ZDHHC14: variants seen among roughly 807,000 people sequenced by gnomAD.
ZDHHC14 encodes the protein palmitoyltransferase ZDHHC14.
A neutral mutation model predicts 47.7 loss-of-function variants in ZDHHC14; 16 were observed. That is an observed-to-expected ratio of 0.34 (90% CI 0.23 to 0.51). The LOEUF (loss-of-function observed/expected upper bound fraction) is 0.51, where lower values mean the gene tolerates loss of function less well. Ranked by LOEUF, ZDHHC14 falls within the 20% of genes least tolerant of loss-of-function variation. The probability of loss-of-function intolerance (pLI) is 0.97; values close to 1 mark genes in which losing one functional copy is unlikely to be tolerated. For synonymous variants in ZDHHC14, 293 were observed against 278.9 expected (o/e 1.05, Z -0.50); for missense variants, 515 against 662.5 (o/e 0.78, Z 2.44).
chr6:157,381,537 C>T lies in ZDHHC14; in HGVS notation c.-485C>T, dbSNP rs1777209113. The T allele has an allele frequency of 2.5e-6, 1 of 406,352 alleles. No individual in the cohort carries two copies. The highest frequency in any genetic ancestry group is 4.9e-6 in the Non-Finnish European group (1 of 203,870). 25.2% of individuals were successfully genotyped at this position (406,352 alleles called of 1,614,324 possible). A position where few individuals can be genotyped will look rare whatever the true frequency, so the allele number is the denominator to read the frequency against. ...TCCGCTGCCGGAGGAAGGAGTGGAC[C>T]CAACCTGGCCGCGCCGCAGAAGTGG... On this transcript the variant is annotated 5_prime_UTR_variant, in exon 1 of 9. Transcript: ENST00000359775.
intron 1 of ZDHHC14, among the ~76,000 whole-genome samples, chr6:157,443,476 G>T (rs1486289244): frequency 1.3e-5 from 2 of 152,110 alleles, no homozygotes; most frequent in Non-Finnish European, 2.9e-5. Flanking sequence ...CTCAACCTCA[G>T]CATTCTTTTA....
intron 1 of ZDHHC14, among the ~76,000 whole-genome samples, chr6:157,412,842 C>A (rs993806758): frequency 6.6e-6 from 1 of 152,112 alleles, no homozygotes; most frequent in Non-Finnish European, 1.5e-5. Context: ...CATGAGAGCA[C>A]CAGTGAGGAT....
At chr6:157,515,441 C>CTTTCTT (rs1554262640) in intron 1 of ZDHHC14, among the ~76,000 whole-genome samples, 8 of 148,056 alleles carry the variant, frequency 5.4e-5, no homozygotes, top group East Asian at 2.0e-4. Flanking sequence ...CTTCATTTCT[C>CTTTCTT]TTTCTTTTTC....
chr6:157,449,865 T>G (rs371412785), intron 1 of ZDHHC14, among the ~76,000 whole-genome samples: 4 of 152,310 alleles, frequency 2.6e-5, no homozygotes, highest in Admixed American at 6.5e-5. Flanking sequence ...GGGCTTGACG[T>G]CAGACAGATT....
intron 1 of ZDHHC14, among the ~76,000 whole-genome samples, chr6:157,521,622 A>G (rs111550221): frequency 0.016 from 2,431 of 152,300 alleles, 70 homozygotes; most frequent in African/African-American, 0.056. Flanking sequence ...AACCCCATTC[A>G]TGACATAATC....
chr6:157,536,720 G>C (rs1781554069), intron 1 of ZDHHC14, among the ~76,000 whole-genome samples: 1 of 151,800 alleles, frequency 6.6e-6, no homozygotes, highest in Admixed American at 6.6e-5. Context: ...ATTAATGACA[G>C]TATTGATTCT....
chr6:157,633,731 C>T (rs1217716483), intron 5 of ZDHHC14, among the ~76,000 whole-genome samples: 1 of 152,240 alleles, frequency 6.6e-6, no homozygotes, highest in African/African-American at 2.4e-5. Context: ...CCCACCCAGG[C>T]TGGAGTGCAG....
chr6:157,523,728 CAAAA>C (rs1246190746), intron 1 of ZDHHC14, among the ~76,000 whole-genome samples: 1 of 121,306 alleles, frequency 8.2e-6, no homozygotes, highest in Non-Finnish European at 1.8e-5. Flanking sequence ...CTCGCTTATA[CAAAA>C]AAAAAAAAAA....
Position 157,672,672 on chromosome 6 carries a change from C to T in ZDHHC14, c.1069-52C>T, listed in dbSNP as rs182739609. 1,616 of 1,572,036 alleles carry T rather than the reference C, an allele frequency of 1.0e-3. 24 individuals carry two copies. The South Asian group carries it at 0.014, about 14-fold the overall frequency. On this transcript the variant is annotated intron_variant, in intron 8 of 8. Transcript: ENST00000359775. ...CTGTCCCCATCCCTGTCCCTCCCCACCTCTGCCCCCTCCTCTCCACCTTCT... is the reference window on the plus strand; with the variant it reads ...CTGTCCCCATCCCTGTCCCTCCCCATCTCTGCCCCCTCCTCTCCACCTTCT...
chr6:157,528,058 A>G (rs1264244424), intron 1 of ZDHHC14, among the ~76,000 whole-genome samples: 1 of 152,224 alleles, frequency 6.6e-6, no homozygotes, highest in African/African-American at 2.4e-5. Context: ...CCAGCCAGGC[A>G]TGATTTCCTT....
intron 8 of ZDHHC14, among the ~76,000 whole-genome samples, chr6:157,672,095 T>C (rs1031499246): frequency 2.0e-5 from 3 of 152,188 alleles, no homozygotes; most frequent in African/African-American, 4.8e-5. Context: ...CACACAGTTA[T>C]TCGTCTTTTT....
In ZDHHC14 at chr6:157,393,250, T is replaced by G. The variant is rs1442231897; in HGVS notation, c.245+10984T>G. Among the ~76,000 whole-genome samples the G allele has an allele frequency of 2.6e-5, 4 of 152,352 alleles. No homozygotes were observed. In the East Asian group the frequency reaches 7.7e-4, roughly 29 times the overall value. On this transcript the variant is annotated intron_variant, in intron 1 of 8. Transcript: ENST00000359775. ...GCAGTATAATCATTTCTGTACATCT[T>G]CAAACTAGATTTTAAAAACTGCTGA...
At chr6:157,572,383 C>A (rs947852023) in intron 2 of ZDHHC14, among the ~76,000 whole-genome samples, 7 of 152,120 alleles carry the variant, frequency 4.6e-5, no homozygotes, top group Non-Finnish European at 7.4e-5. Flanking sequence ...TTAAGATCTG[C>A]CATGAGTATG....
At chr6:157,464,179 T>C (rs989033240) in intron 1 of ZDHHC14, among the ~76,000 whole-genome samples, 28 of 152,260 alleles carry the variant, frequency 1.8e-4, no homozygotes, top group African/African-American at 6.8e-4. Flanking sequence ...AATCCTTCTT[T>C]AACCTTAGAG....
chr6:157,668,164 TC>T (rs1778634567), intron 8 of ZDHHC14, among the ~76,000 whole-genome samples: 1 of 152,088 alleles, frequency 6.6e-6, no homozygotes, highest in Non-Finnish European at 1.5e-5. Flanking sequence ...CCTGCTGTCA[TC>T]CCAGCAGGAA....
chr6:157,457,244 G>T (rs893273644), intron 1 of ZDHHC14, among the ~76,000 whole-genome samples: 1 of 151,556 alleles, frequency 6.6e-6, no homozygotes, highest in Non-Finnish European at 1.5e-5. Flanking sequence ...CACAGACTGA[G>T]ATTCTGTGGT....
intron 1 of ZDHHC14, among the ~76,000 whole-genome samples, chr6:157,408,735 C>A (rs1777816482): frequency 3.3e-5 from 5 of 152,230 alleles, no homozygotes; most frequent in African/African-American, 1.2e-4. Flanking sequence ...GATTCCATGT[C>A]TTTGCTACTG....
chr6:157,448,254 T>C (rs965547410), intron 1 of ZDHHC14, among the ~76,000 whole-genome samples: 2 of 152,164 alleles, frequency 1.3e-5, no homozygotes, highest in African/African-American at 2.4e-5. Context: ...AGGATGTTTT[T>C]GGGGGTAATT....
At chr6:157,641,471 CTT>C (rs1777245874) in intron 5 of ZDHHC14, among the ~76,000 whole-genome samples, 2 of 152,108 alleles carry the variant, frequency 1.3e-5, no homozygotes, top group South Asian at 4.2e-4. Flanking sequence ...TTGTACCTCT[CTT>C]TATGTTCATG....
Sources: gnomAD v4.1 joint callset for allele counts (sites outside exome capture counted in the v4.1 genomes callset) on GRCh38, gnomAD v4.1.1 for gene constraint, MANE v1.5 for transcripts, NCBI Gene and HGNC (gene_info 2026-07-23, HGNC 2026-07-21) for gene names.